RAD51B: variants seen among roughly 807,000 people sequenced by gnomAD.
RAD51B encodes the protein RAD51 paralog B, also known as DNA repair protein RAD51 homolog 2.
Under a neutral mutation model 42.2 loss-of-function variants are expected in RAD51B, and 38 were observed. The observed-to-expected ratio is 0.90, with a 90% CI of 0.70 to 1.18. The LOEUF is 1.18. Among genes scored for constraint, RAD51B ranks in the 50% most tolerant of loss-of-function variants. The pLI, the probability that RAD51B is intolerant of heterozygous loss-of-function variation, is 0.00. For synonymous variants in RAD51B, 154 were observed against 145.2 expected (o/e 1.06, Z -0.43); for missense variants, 373 against 400.7 (o/e 0.93, Z 0.59).
chr14:67,997,972 A>G (rs1353817787), intron 7 of RAD51B, among the ~76,000 whole-genome samples: 1 of 152,218 alleles, frequency 6.6e-6, no homozygotes, highest in African/African-American at 2.4e-5. Flanking sequence ...GCTTTCTTCT[A>G]GGAAGTAGTT....
rs192946478 is a variant in RAD51B, at chr14:68,569,370, C to G, written c.1037-25115C>G. On this transcript the variant is annotated intron_variant, in intron 10 of 10. Coordinates refer to the RAD51B transcript ENST00000487270. ...AGAAGGGCAACAGGGTCAGCAGCAGCAAACTGAGGGGCCAACTCACCACGC... is the reference window on the plus strand; with the variant it reads ...AGAAGGGCAACAGGGTCAGCAGCAGGAAACTGAGGGGCCAACTCACCACGC... Among the ~76,000 whole-genome samples, 4 of 152,302 alleles carry G rather than the reference C, an allele frequency of 2.6e-5. No homozygotes were observed. The South Asian group carries it at 8.3e-4, about 32-fold the overall frequency.
chr14:68,046,569 T>A (rs1220221808), intron 7 of RAD51B, among the ~76,000 whole-genome samples: 1 of 152,186 alleles, frequency 6.6e-6, no homozygotes, highest in East Asian at 1.9e-4. Context: ...TGAAACCCTG[T>A]CTCTGCAAAA....
chr14:68,467,782 ATCTTT>A (rs1360585826), intron 9 of RAD51B, among the ~76,000 whole-genome samples: 4 of 152,286 alleles, frequency 2.6e-5, no homozygotes, highest in African/African-American at 9.6e-5. Flanking sequence ...GTGATAGTAA[ATCTTT>A]TAAAGGTAGC....
At chr14:68,484,395 T>C (rs2140269799) in intron 10 of RAD51B, among the ~76,000 whole-genome samples, 1 of 147,478 alleles carries the variant, frequency 6.8e-6, no homozygotes, top group East Asian at 2.0e-4. Flanking sequence ...TTTTGCTCTG[T>C]CGCCCAGGCT....
intron 8 of RAD51B, among the ~76,000 whole-genome samples, chr14:68,383,746 T>C (rs1175881230): frequency 2.6e-5 from 4 of 152,220 alleles, no homozygotes; most frequent in Non-Finnish European, 5.9e-5. Flanking sequence ...TCTTCACCTG[T>C]GCATTCTGCT....
intron 10 of RAD51B, among the ~76,000 whole-genome samples, chr14:68,580,127 T>C (rs1439504451): frequency 6.6e-6 from 1 of 152,220 alleles, no homozygotes; most frequent in Non-Finnish European, 1.5e-5. Flanking sequence ...CCCCGCTGGC[T>C]ACCATTATCC....
intron 5 of RAD51B, among the ~76,000 whole-genome samples, chr14:67,869,936 C>T (rs1434219376): frequency 5.9e-5 from 9 of 151,762 alleles, no homozygotes; most frequent in East Asian, 1.9e-4. Context: ...CTGAAGGAAG[C>T]GCTAAACATG....
intron 7 of RAD51B, among the ~76,000 whole-genome samples, chr14:67,965,743 C>A (rs1429773342): frequency 3.3e-5 from 5 of 152,108 alleles, no homozygotes; most frequent in African/African-American, 1.2e-4. Flanking sequence ...TGCTTTTGAT[C>A]ATGCCTTTCC....
Position 68,415,468 on chromosome 14 carries a change from A to C in RAD51B, c.957+3941A>C, listed in dbSNP as rs571432042. ...GTGTAACTAGTTGCGCTGGAGATTC[A>C]AGAAAACAAAAACAGGTAAGAGATG... is the stretch of plus-strand genomic sequence containing the variant. On this transcript the variant is annotated intron_variant, in intron 9 of 10. Coordinates refer to ENST00000471583, the MANE Select transcript of RAD51B (RefSeq NM_133510.4). Among the ~76,000 whole-genome samples, 82 of 152,304 alleles carry C rather than the reference A, an allele frequency of 5.4e-4. 1 individual carries two copies. Among genetic ancestry groups the C allele is most frequent in the African/African-American group, 1.9e-3 (81 of 41,566 alleles).
At chr14:68,159,419 A>T (rs1435631048) in intron 7 of RAD51B, among the ~76,000 whole-genome samples, 1 of 152,120 alleles carries the variant, frequency 6.6e-6, no homozygotes, top group Non-Finnish European at 1.5e-5. Flanking sequence ...CAGGAGTTCG[A>T]GACAAGCCTG....
chr14:67,919,327 G>A (rs2044250289), intron 7 of RAD51B, among the ~76,000 whole-genome samples: 1 of 152,168 alleles, frequency 6.6e-6, no homozygotes, highest in Admixed American at 6.5e-5. Context: ...AGACAGTTAA[G>A]ATGCAGTAGA....
At chr14:67,904,039 G>A (rs1210139805) in intron 7 of RAD51B, among the ~76,000 whole-genome samples, 1 of 151,532 alleles carries the variant, frequency 6.6e-6, no homozygotes, top group African/African-American at 2.4e-5. Flanking sequence ...ATTAGCCTAG[G>A]ATAATGGCCT....
In RAD51B at chr14:67,998,943, C is replaced by T. The variant is rs187398168; in HGVS notation, c.756+111739C>T. 3.4e-4 allele frequency among the ~76,000 whole-genome samples: 49 copies of T among 146,110 alleles called. No individual in the cohort carries two copies. In the East Asian group the frequency reaches 7.9e-3, roughly 23 times the overall value. ...TGTAGATTTCCTGAGCTCTTCTCTG[C>T]ATAGCTCTTCCTCTTTAGCACTCTG... On this transcript the variant is annotated intron_variant, in intron 7 of 10. Coordinates refer to ENST00000471583, the MANE Select transcript of RAD51B (RefSeq NM_133510.4).
intron 10 of RAD51B, among the ~76,000 whole-genome samples, chr14:68,631,987 AG>A (rs1331361253): frequency 4.6e-5 from 7 of 152,210 alleles, no homozygotes; most frequent in Non-Finnish European, 1.5e-5. Context: ...TGAGTGAAGC[AG>A]GCCAGGAAGG....
At chr14:68,130,289 A>G (rs996080437) in intron 7 of RAD51B, 9 of 152,232 alleles carry the variant, frequency 5.9e-5, no homozygotes, top group African/African-American at 1.9e-4. Context: ...TTCTCTGAGG[A>G]GATTAATAAA....
intron 7 of RAD51B, among the ~76,000 whole-genome samples, chr14:68,199,895 G>C (rs1011768384): frequency 6.6e-6 from 1 of 152,200 alleles, no homozygotes; most frequent in Non-Finnish European, 1.5e-5. Flanking sequence ...GTCTCCCAGA[G>C]GAAACAGAAA....
intron 8 of RAD51B, among the ~76,000 whole-genome samples, chr14:68,360,388 T>A (rs1161159636): frequency 5.9e-5 from 9 of 152,244 alleles, no homozygotes; most frequent in Admixed American, 4.6e-4. Context: ...TCATCGTTAT[T>A]TCTGTAATTC....
chr14:68,632,858 C>T (rs1313021851), intron 10 of RAD51B, among the ~76,000 whole-genome samples: 4 of 151,922 alleles, frequency 2.6e-5, no homozygotes, highest in African/African-American at 9.7e-5. Flanking sequence ...TCACTGCAGC[C>T]TTGACCACCC....
intron 7 of RAD51B, among the ~76,000 whole-genome samples, chr14:68,172,291 T>A (rs1035070017): frequency 1.3e-5 from 2 of 152,238 alleles, no homozygotes; most frequent in African/African-American, 4.8e-5. Flanking sequence ...ATTCTTAATC[T>A]ATTACATGTG....
Sources: allele counts gnomAD v4.1 joint callset (sites outside exome capture counted in the v4.1 genomes callset), GRCh38; gene constraint gnomAD v4.1.1; transcripts MANE v1.5; gene names NCBI Gene and HGNC (gene_info 2026-07-23, HGNC 2026-07-21).